Variants in MCC observed in about 807,000 individuals in gnomAD.
MCC encodes the protein colorectal mutant cancer protein.
MCC carries 90 observed loss-of-function variants against 116.2 expected under a neutral mutation model. The observed-to-expected ratio is 0.77, with a 90% CI of 0.65 to 0.92. The LOEUF (loss-of-function observed/expected upper bound fraction) is 0.92. MCC is among the 40% of genes least tolerant of loss of function. The pLI is 0.00. For synonymous variants in MCC, 578 were observed against 510.5 expected (o/e 1.13, Z -1.78); for missense variants, 1,516 against 1,312.2 (o/e 1.16, Z -2.40).
chr5:113,187,430 G>A (rs1761947096), intron 3 of MCC, among the ~76,000 whole-genome samples: 1 of 152,114 alleles, frequency 6.6e-6, no homozygotes, highest in African/African-American at 2.4e-5. Context: ...CTTTTAAGAA[G>A]ATGAGGCTAA....
intron 1 of MCC, among the ~76,000 whole-genome samples, chr5:113,402,498 T>A (rs540188097): frequency 6.6e-6 from 1 of 152,256 alleles, no homozygotes; most frequent in African/African-American, 2.4e-5. Flanking sequence ...GGATTTTTTT[T>A]AATTTCAAAG....
At chr5:113,406,844 G>A (rs573947117) in intron 1 of MCC, among the ~76,000 whole-genome samples, 174 of 152,286 alleles carry the variant, frequency 1.1e-3, no homozygotes, top group Non-Finnish European at 1.5e-3. Context: ...TGAGGTTTGC[G>A]TGGATCTCCA....
At chr5:113,417,906 C>T (rs1770201556) in intron 1 of MCC, among the ~76,000 whole-genome samples, 1 of 150,886 alleles carries the variant, frequency 6.6e-6, no homozygotes. Flanking sequence ...GCACTCCAGC[C>T]TGGGTGACAG....
intron 1 of MCC, among the ~76,000 whole-genome samples, chr5:113,465,858 T>C (rs1771888185): frequency 6.6e-6 from 1 of 152,216 alleles, no homozygotes; most frequent in Non-Finnish European, 1.5e-5. Context: ...ATAGTTAATG[T>C]TACTGAATAG....
intron 5 of MCC, among the ~76,000 whole-genome samples, chr5:113,128,591 G>C (rs938732113): frequency 5.3e-5 from 8 of 152,158 alleles, no homozygotes; most frequent in African/African-American, 1.4e-4. Flanking sequence ...GAATCTTTTG[G>C]TGAATAATTG....
At chr5:113,351,794 A>G (rs1768274868) in intron 2 of MCC, among the ~76,000 whole-genome samples, 1 of 152,160 alleles carries the variant, frequency 6.6e-6, no homozygotes, top group African/African-American at 2.4e-5. Context: ...GTATCAAAGT[A>G]TCTCATGTAC....
intron 1 of MCC, among the ~76,000 whole-genome samples, chr5:113,432,271 C>T (rs113549499): frequency 0.12 from 17,111 of 143,190 alleles, 1,701 homozygotes; most frequent in African/African-American, 0.28. Context: ...TGCAGTGAGC[C>T]GAGATCACAC....
At chr5:113,373,137 C>T (rs1768880500) in intron 2 of MCC, among the ~76,000 whole-genome samples, 1 of 151,556 alleles carries the variant, frequency 6.6e-6, no homozygotes, top group African/African-American at 2.4e-5. Flanking sequence ...CGAGATCGCG[C>T]CACTGCACTC....
At chr5:113,079,748 G>A (rs1754722010) in intron 11 of MCC, among the ~76,000 whole-genome samples, 2 of 152,208 alleles carry the variant, frequency 1.3e-5, no homozygotes, top group South Asian at 2.1e-4. Context: ...ATAGGCATGG[G>A]CAAGGACTTC....
At chr5:113,352,930 G>T (rs1446752446) in intron 2 of MCC, among the ~76,000 whole-genome samples, 1 of 152,154 alleles carries the variant, frequency 6.6e-6, no homozygotes, top group African/African-American at 2.4e-5. Flanking sequence ...ATTTTAATAT[G>T]ATTTGGGTTT....
chr5:113,416,240 G>C (rs917661605), intron 1 of MCC, among the ~76,000 whole-genome samples: 1 of 152,180 alleles, frequency 6.6e-6, no homozygotes, highest in African/African-American at 2.4e-5. Context: ...TTTTCTGTAT[G>C]CTTAAAAATG....
intron 2 of MCC, among the ~76,000 whole-genome samples, chr5:113,353,494 A>G (rs1243781055): frequency 6.6e-6 from 1 of 152,234 alleles, no homozygotes; most frequent in Non-Finnish European, 1.5e-5. Context: ...TCTCAATACT[A>G]CTTAAATGTC....
At chr5:113,218,154 C>G (rs1763398189) in intron 3 of MCC, among the ~76,000 whole-genome samples, 3 of 151,306 alleles carry the variant, frequency 2.0e-5, no homozygotes, top group Admixed American at 2.0e-4. Flanking sequence ...TGGGGGAGCC[C>G]TTTACCCAGC....
At chr5:113,080,964 C>T (rs1028967219) in intron 11 of MCC, among the ~76,000 whole-genome samples, 1 of 152,156 alleles carries the variant, frequency 6.6e-6, no homozygotes, top group Admixed American at 6.5e-5. Context: ...TCCATGAGAG[C>T]AGGGACCCTT....
chr5:113,327,561 A>AAAAAAAAAATATATATATATAT (rs1480996383), intron 3 of MCC, among the ~76,000 whole-genome samples: 1 of 80,580 alleles, frequency 1.2e-5, no homozygotes, highest in African/African-American at 5.0e-5. Context: ...AAAAAAAAAA[A>AAAAAAAAAATATATATATATAT]ATATATATAT....
At chr5:113,349,174 G>A (rs1213855129) in intron 2 of MCC, among the ~76,000 whole-genome samples, 1 of 151,898 alleles carries the variant, frequency 6.6e-6, no homozygotes, top group Admixed American at 6.6e-5. Context: ...AATAGAGGAG[G>A]ATAGAACACT....
At chr5:113,137,336 A>C (rs971828544) in intron 5 of MCC, among the ~76,000 whole-genome samples, 1 of 152,156 alleles carries the variant, frequency 6.6e-6, no homozygotes, top group African/African-American at 2.4e-5. Context: ...ATTCAAGATG[A>C]GATTTGGGTG....
At chr5:113,262,216 G>C (rs1765243643) in intron 3 of MCC, among the ~76,000 whole-genome samples, 1 of 151,926 alleles carries the variant, frequency 6.6e-6, no homozygotes, top group Non-Finnish European at 1.5e-5. Context: ...ACATGCCTAA[G>C]CATACAAGCT....
chr5:113,092,140 C>T (rs1348826454), intron 8 of MCC, among the ~76,000 whole-genome samples: 1 of 152,060 alleles, frequency 6.6e-6, no homozygotes, highest in Admixed American at 6.6e-5. Context: ...GCATCCACGC[C>T]CTAAACCCCG....
Sources: allele counts gnomAD v4.1 joint callset (sites outside exome capture counted in the v4.1 genomes callset), GRCh38; gene constraint gnomAD v4.1.1; transcripts MANE v1.5; gene names NCBI Gene and HGNC (gene_info 2026-07-23, HGNC 2026-07-21).